The following PRDM15 variants were observed in gnomAD, a reference collection of about 807,000 sequenced individuals.
PRDM15 encodes the protein PR domain zinc finger protein 15.
In PRDM15, 64 loss-of-function variants were observed where a neutral mutation model predicts 128.6. The observed-to-expected ratio is 0.50, with a 90% CI of 0.41 to 0.61. The LOEUF (loss-of-function observed/expected upper bound fraction) is 0.61. Ranked by LOEUF, PRDM15 falls within the 20% of genes least tolerant of loss-of-function variation. The pLI is 0.00. For synonymous variants in PRDM15, 615 were observed against 621.8 expected (o/e 0.99, Z 0.16); for missense variants, 1,242 against 1,569.1 (o/e 0.79, Z 3.52).
intron 21 of PRDM15, among the ~76,000 whole-genome samples, chr21:41,806,382 C>T (rs1248404094): frequency 1.8e-4 from 5 of 27,760 alleles, no homozygotes; most frequent in South Asian, 1.3e-3. Flanking sequence ...ACCACCATCA[C>T]CACCACCACC....
At chr21:41,875,906 A>G (rs990099862) in intron 1 of PRDM15, among the ~76,000 whole-genome samples, 7 of 152,188 alleles carry the variant, frequency 4.6e-5, no homozygotes, top group African/African-American at 1.7e-4. Context: ...GTAGTTGTGC[A>G]AACATGATAG....
chr21:41,865,379 T>G (rs2145961492), intron 1 of PRDM15, among the ~76,000 whole-genome samples: 1 of 152,284 alleles, frequency 6.6e-6, no homozygotes, highest in South Asian at 2.1e-4. Flanking sequence ...CCACCACACT[T>G]CAACGGCCAA....
Position 41,802,733 on chromosome 21 carries a change from G to C in PRDM15, c.2922C>G (p.Ser974=). Reference sequence around the variant, plus strand: ...TGACCTGCTGAATGCTCTGTACTGCGGAATTGGTCTCGTCGCCTACACTGC... The same window carrying C: ...TGACCTGCTGAATGCTCTGTACTGCCGAATTGGTCTCGTCGCCTACACTGC... ...FTGSVGDETN[S]AVQSIQQVVV... The change falls in exon 23 of 24, where the codon TCC becomes TCG. Residue 974 remains serine, a synonymous_variant. Transcript: ENST00000398548. 6.2e-7 allele frequency: 1 copy of C among 1,614,134 alleles called. No individual in the cohort carries two copies. Among genetic ancestry groups the C allele is most frequent in the Non-Finnish European group, 8.5e-7 (1 of 1,179,988 alleles).
rs957684344 is a variant in PRDM15 at position 41,862,442 on chromosome 21, C to T, written c.-9-2070G>A. 4.6e-5 allele frequency among the ~76,000 whole-genome samples: 7 copies of T among 152,160 alleles called. No homozygotes were observed. The highest frequency in any genetic ancestry group is 8.8e-5 in the Non-Finnish European group (6 of 68,032). The stretch of plus-strand genomic sequence containing the variant: ...CTACACCTCTCACAGACTGCCCACC[C>T]CTTCTAGGTGCCCCCAAAAAAGGTC... On this transcript the variant is annotated intron_variant, in intron 1 of 23. Coordinates refer to ENST00000398548, the MANE Select transcript of PRDM15 (RefSeq NM_001040424.3). This position sits in a 1 kb window ranked among gnomAD's most constrained non-coding sequence, Gnocchi z 4.1.
At position 41,821,418 on chromosome 21, in the gene PRDM15, A is replaced by G. The variant is rs940537143; in HGVS notation, c.1897-188T>C. Among the ~76,000 whole-genome samples, 1 of 152,178 alleles carries G rather than the reference A, an allele frequency of 6.6e-6. No individual in the cohort carries two copies. The highest frequency in any genetic ancestry group is 2.4e-5 in the African/African-American group (1 of 41,450). Reference sequence around the variant, plus strand: ...CCGAAGCCATAAGGCCTCATGCCCAAAACTCAAGAGCACGGGTGTCCTCGG... The same window carrying G: ...CCGAAGCCATAAGGCCTCATGCCCAGAACTCAAGAGCACGGGTGTCCTCGG... On this transcript the variant is annotated intron_variant, in intron 15 of 23. Coordinates refer to ENST00000398548, the MANE Select transcript of PRDM15 (RefSeq NM_001040424.3). The surrounding 1 kb of genome is among the most constrained non-coding windows in gnomAD (Gnocchi z 5.4).
At chr21:41,804,034 G>A (rs1037028515) in intron 22 of PRDM15, among the ~76,000 whole-genome samples, 13 of 147,948 alleles carry the variant, frequency 8.8e-5, no homozygotes, top group African/African-American at 3.3e-4. Context: ...GCACAATCTC[G>A]GCTCATTGCA....
Position 41,836,113 on chromosome 21 carries a change from C to G in PRDM15, c.1278G>C (p.Glu426Asp). ...QHVSYKHSRN[E>D]VDGEYRYRCG... ...GAACCCTGGGCTTGTTTCCACCCAC[C>G]TCGTTCCTGCTGTGCTTGTAGGAAA... is the stretch of plus-strand genomic sequence containing the variant. The change falls in exon 10 of 24, where the codon GAG (glutamate) becomes GAC (aspartate). Residue 426 changes from glutamate to aspartate, a missense_variant and splice_region_variant. Glu to Asp is a conservative substitution (Grantham distance 45). Coordinates refer to ENST00000398548, the MANE Select transcript of PRDM15 (RefSeq NM_001040424.3). The G allele has an allele frequency of 1.9e-6, 3 of 1,612,740 alleles. No homozygotes were observed. Among genetic ancestry groups the G allele is most frequent in the Non-Finnish European group, 2.5e-6 (3 of 1,179,040 alleles).
chr21:41,813,900 T>C (rs2061948972), intron 19 of PRDM15: 2 of 150,228 alleles, frequency 1.3e-5, no homozygotes, highest in Admixed American at 6.6e-5. Context: ...GTGTTAGTGA[T>C]TGTGCAGGGT....
rs781686851 is a variant in PRDM15, at chr21:41,821,143, G to A, written c.1984C>T (p.Arg662Cys). ...TGGTAGGTGGCCTTCAGTGCAAAGC[G>A]CCGGTTGCAGATGCTGCAGCCATAG... ...KGYGCSICNR[R>C]FALKATYHAH... The change falls in exon 16 of 24, where the codon CGC becomes TGC. Residue 662 changes from arginine (R) to cysteine (C), a missense_variant. Arg to Cys is a radical substitution (Grantham distance 180, BLOSUM62 -3). This residue lies in a region of PRDM15 where 602 missense variants were observed against 788.3 expected (regional missense o/e 0.76). Transcript: ENST00000398548. This position sits in a 1 kb window ranked among gnomAD's most constrained non-coding sequence, Gnocchi z 5.4. The A allele has an allele frequency of 2.3e-5, 37 of 1,614,112 alleles. No individual in the cohort carries two copies. Among genetic ancestry groups the A allele is most frequent in the South Asian group, 1.2e-4 (11 of 91,082 alleles).
At chr21:41,831,993 G>C (rs529054296) in intron 11 of PRDM15, among the ~76,000 whole-genome samples, 1 of 152,188 alleles carries the variant, frequency 6.6e-6, no homozygotes, top group Admixed American at 6.5e-5. Context: ...CCTCAGTTTC[G>C]TTTTGGCTTA....
chr21:41,860,549 A>G (rs2063780054), intron 1 of PRDM15, among the ~76,000 whole-genome samples, 177 bp from the exon 2 acceptor site: 1 of 152,124 alleles, frequency 6.6e-6, no homozygotes, highest in Non-Finnish European at 1.5e-5. Context: ...CAGCCTCCTG[A>G]GTAGCTGGGA....
chr21:41,819,964 G>C, intron 17 of PRDM15, 131 bp downstream of exon 17: 1 of 839,676 alleles, frequency 1.2e-6, no homozygotes, highest in Non-Finnish European at 1.9e-6. Context: ...AAAAGCTGGA[G>C]AAACAGAGGA....
Position 41,873,365 on chromosome 21 carries a change from G to A in PRDM15, c.-10+5905C>T, listed in dbSNP as rs2064283469. Among the ~76,000 whole-genome samples the A allele has an allele frequency of 7.9e-5, 12 of 152,176 alleles. No homozygotes were observed. In the South Asian group the frequency reaches 2.5e-3, roughly 32 times the overall value. ...CTCACACCTCGGTTAGGCTGCCTGG[G>A]TACACGGCCACTGGTCACTTTCACT... On this transcript the variant is annotated intron_variant, in intron 1 of 23. Transcript: ENST00000398548.
chr21:41,810,992 C>A lies in PRDM15; in HGVS notation c.2393-156G>T. The A allele has an allele frequency of 1.6e-6, 1 of 614,688 alleles. No individual in the cohort carries two copies. Among genetic ancestry groups the A allele is most frequent in the Non-Finnish European group, 2.9e-6 (1 of 344,446 alleles). 38.1% of individuals were successfully genotyped at this position (614,688 alleles called of 1,614,324 possible). A position where few individuals can be genotyped will look rare whatever the true frequency, so the allele number is the denominator to read the frequency against. The stretch of plus-strand genomic sequence containing the variant: ...CAGACAATGAACGCTCATCCCCAGC[C>A]TCGGCCAGCAAAGTGTGGCTTGGAA... On this transcript the variant is annotated intron_variant, in intron 19 of 23. Transcript: ENST00000398548. The surrounding 1 kb of genome is among the most constrained non-coding windows in gnomAD (Gnocchi z 6.4).
At position 41,879,278 on chromosome 21, in the gene PRDM15, G is replaced by A; in HGVS notation, c.-18C>T. 9.4e-7 allele frequency: 1 copy of A among 1,058,948 alleles called. No individual in the cohort carries two copies. The highest frequency in any genetic ancestry group is 1.2e-6 in the Non-Finnish European group (1 of 866,564). The allele number at this position is 1,058,948 out of a possible 1,614,324, so 65.6% of individuals were successfully genotyped here. On this transcript the variant is annotated 5_prime_UTR_variant, in exon 1 of 24. Coordinates refer to ENST00000398548, the MANE Select transcript of PRDM15 (RefSeq NM_001040424.3). The surrounding 1 kb of genome is among the most constrained non-coding windows in gnomAD (Gnocchi z 5.1). ...AGGGCCCGGAGCTTTACCTGCCTTT[G>A]GAATGTGCAGAGCGGGATCGGATCC...
chr21:41,818,733 G>C (rs1318923124), intron 18 of PRDM15, among the ~76,000 whole-genome samples: 1 of 151,924 alleles, frequency 6.6e-6, no homozygotes, highest in Non-Finnish European at 1.5e-5. Flanking sequence ...GCTTGAAACA[G>C]CCCAAGACAA....
At position 41,815,744 on chromosome 21, in the gene PRDM15, G is replaced by C. The variant is rs1256210672; in HGVS notation, c.2353C>G (p.Gln785Glu). Residue 785 changes from glutamine to glutamate, a missense_variant, in exon 19 of 24, where the codon CAG (glutamine) becomes GAG (glutamate). Around this residue, in one of 3 missense-constraint regions of PRDM15, gnomAD observed 602 missense variants for 788.3 expected, o/e 0.76. Transcript: ENST00000398548. ...CAGTGCTTGAGCATGTTGACCTTCT[G>C]CGCGAACCTGCGGTGGCACTCCTTG... is the stretch of plus-strand genomic sequence containing the variant. ...ECKECHRRFA[Q>E]KVNMLKHCKR... is the part of the protein sequence containing the mutation. 6.2e-7 allele frequency: 1 copy of C among 1,614,066 alleles called. No homozygotes were observed.
chr21:41,866,449 T>G (rs1247094184), intron 1 of PRDM15, among the ~76,000 whole-genome samples: 3 of 152,144 alleles, frequency 2.0e-5, no homozygotes, highest in Non-Finnish European at 4.4e-5. Context: ...CGGCCTGGGG[T>G]CTCTCTCCTT....
intron 5 of PRDM15, among the ~76,000 whole-genome samples, chr21:41,851,361 A>G (rs112404267): frequency 6.6e-6 from 1 of 152,194 alleles, no homozygotes; most frequent in Non-Finnish European, 1.5e-5. Flanking sequence ...AGACGCAGGC[A>G]GCGTTGGGCT....
Sources: gnomAD v4.1 joint callset for allele counts (sites outside exome capture counted in the v4.1 genomes callset) on GRCh38, gnomAD v4.1.1 for gene constraint, gnomAD v4.1.1 regional missense constraint, Gnocchi (gnomAD v3.1) non-coding constraint, MANE v1.5 for transcripts, NCBI Gene and HGNC (gene_info 2026-07-23, HGNC 2026-07-21) for gene names.